Variants in KSR1 observed in about 807,000 individuals in gnomAD.
The protein encoded by KSR1 is kinase suppressor of ras.
Under a neutral mutation model 92.9 loss-of-function variants are expected in KSR1, and 35 were observed. The observed-to-expected ratio is 0.38, with a 90% CI of 0.29 to 0.50. The LOEUF (loss-of-function observed/expected upper bound fraction) is 0.50, where lower values mean the gene tolerates loss of function less well. Ranked by LOEUF, KSR1 falls within the 20% of genes least tolerant of loss-of-function variation. The probability of loss-of-function intolerance (pLI) is 0.94; values close to 1 mark genes in which losing one functional copy is unlikely to be tolerated. For missense variants in KSR1, 972 were observed against 1,158.5 expected, an observed-to-expected ratio of 0.84 and a Z score of 2.34; for synonymous variants, 467 against 472.6, an observed-to-expected ratio of 0.99 and a Z score of 0.15.
At chr17:27,476,696 G>A (rs2068358086) in intron 1 of KSR1, among the ~76,000 whole-genome samples, 1 of 152,204 alleles carries the variant, frequency 6.6e-6, no homozygotes, top group Admixed American at 6.5e-5. Flanking sequence ...AAGCCCTCTG[G>A]CTGTTTGGAT....
At chr17:27,589,868 C>A (rs1041150480) in intron 6 of KSR1, among the ~76,000 whole-genome samples, 2 of 152,206 alleles carry the variant, frequency 1.3e-5, no homozygotes, top group African/African-American at 4.8e-5. Context: ...AACTCCTCAA[C>A]CCCCTCTTTA....
chr17:27,592,562 A>G lies in KSR1; in HGVS notation c.1235A>G (p.Asn412Ser), dbSNP rs766124938. Residue 412 changes from asparagine (N) to serine (S), a missense_variant, in exon 9 of 21, where the codon AAC (asparagine) becomes AGC (serine). By Grantham distance (46) the Asn-to-Ser change is conservative (BLOSUM62 1). This residue lies in a region of KSR1 where 611 missense variants were observed against 668.0 expected (regional missense o/e 0.91). Coordinates refer to ENST00000644974, the MANE Select transcript of KSR1 (RefSeq NM_001394583.1). ...ACAGAATCTGTCCCCTCGGACATCAACAACCCGGTGGACAGAGCAGCCGAA... is the reference window on the plus strand; with the variant it reads ...ACAGAATCTGTCCCCTCGGACATCAGCAACCCGGTGGACAGAGCAGCCGAA... ...RRTESVPSDINNPVDRAAEPH... is the reference protein window; with the variant it reads ...RRTESVPSDISNPVDRAAEPH... 6.2e-6 allele frequency: 10 copies of G among 1,614,010 alleles called. No individual in the cohort carries two copies. Among genetic ancestry groups the G allele is most frequent in the South Asian group, 1.1e-5 (1 of 91,076 alleles).
intron 1 of KSR1, among the ~76,000 whole-genome samples, chr17:27,500,517 C>T (rs2069140598): frequency 6.6e-6 from 1 of 152,194 alleles, no homozygotes; most frequent in Non-Finnish European, 1.5e-5. Flanking sequence ...TAGCCATGCA[C>T]CTGGACCAAC....
intron 2 of KSR1, among the ~76,000 whole-genome samples, chr17:27,571,202 T>G (rs1002207523): frequency 9.9e-5 from 15 of 152,152 alleles, no homozygotes; most frequent in African/African-American, 3.6e-4. Context: ...GGCCCGGAAC[T>G]GGCCACAAGC....
rs2074332262 is a variant in KSR1 at position 27,626,006 on chromosome 17, C to G, written c.*2614C>G. ...AGTTGATCTCTCCATGTCACCAAAT[C>G]AAAACACCCTCTGTCATCCTACGGC... On this transcript the variant is annotated 3_prime_UTR_variant, in exon 21 of 21. Coordinates refer to ENST00000644974, the MANE Select transcript of KSR1 (RefSeq NM_001394583.1). The G allele has an allele frequency of 6.6e-6, 1 of 152,246 alleles. No individual in the cohort carries two copies. Among genetic ancestry groups the G allele is most frequent in the Non-Finnish European group, 1.5e-5 (1 of 68,056 alleles). The allele number at this position is 152,246 out of a possible 1,614,324, so 9.4% of individuals were successfully genotyped here. A position where few individuals can be genotyped will look rare whatever the true frequency, so the allele number is the denominator to read the frequency against.
At chr17:27,473,455 G>A (rs906448628) in intron 1 of KSR1, among the ~76,000 whole-genome samples, 2 of 152,224 alleles carry the variant, frequency 1.3e-5, no homozygotes, top group Admixed American at 1.3e-4. Context: ...TCGCAGAAAG[G>A]AGGCTGCAAA....
At chr17:27,611,979 C>T (rs915383173) in intron 18 of KSR1, among the ~76,000 whole-genome samples, 2 of 151,994 alleles carry the variant, frequency 1.3e-5, no homozygotes, top group Non-Finnish European at 2.9e-5. Flanking sequence ...AAAATCACTG[C>T]TGAAAATACA....
chr17:27,602,759 G>A (rs1473043617), intron 11 of KSR1, among the ~76,000 whole-genome samples: 1 of 152,182 alleles, frequency 6.6e-6, no homozygotes, highest in East Asian at 1.9e-4. Flanking sequence ...GGCCTTACCG[G>A]TAGAGGCTTC....
chr17:27,549,754 A>G, intron 1 of KSR1, among the ~76,000 whole-genome samples: 1 of 152,168 alleles, frequency 6.6e-6, no homozygotes, highest in East Asian at 1.9e-4. Context: ...GGTGCTCACC[A>G]TGTGCCAAAT....
Position 27,609,303 on chromosome 17 carries a change from GA to G in KSR1, c.2200del (p.Ile734SerfsTer14). The G allele has an allele frequency of 6.2e-7, 1 of 1,614,020 alleles. No individual in the cohort carries two copies. Among genetic ancestry groups the G allele is most frequent in the East Asian group, 2.2e-5 (1 of 44,882 alleles). ...VVITDFGLFG[I>X]SGVVREGRRE... is the part of the protein sequence containing the mutation. Reference sequence around the variant, plus strand: ...TCATCACAGACTTCGGGCTGTTTGGGATCTCAGGCGTGGTCCGAGAGGGACG... The same window carrying G: ...TCATCACAGACTTCGGGCTGTTTGGGTCTCAGGCGTGGTCCGAGAGGGACG... On this transcript the variant is annotated frameshift_variant, in exon 16 of 21. Transcript: ENST00000644974. LOFTEE classifies it high-confidence loss of function.
chr17:27,599,719 A>G (rs2073478706), intron 10 of KSR1, among the ~76,000 whole-genome samples: 1 of 152,210 alleles, frequency 6.6e-6, no homozygotes, highest in African/African-American at 2.4e-5. Context: ...CTTAGCTTAC[A>G]ACTTTTTTAC....
intron 20 of KSR1, chr17:27,622,469 C>CA (rs2074251735): frequency 6.4e-6 from 1 of 155,894 alleles, no homozygotes; most frequent in African/African-American, 2.4e-5. Flanking sequence ...ACCCTGGTCA[C>CA]AGGAACCCTC....
intron 4 of KSR1, among the ~76,000 whole-genome samples, chr17:27,583,755 T>C (rs1290377163): frequency 6.6e-6 from 1 of 152,260 alleles, no homozygotes; most frequent in East Asian, 1.9e-4. Flanking sequence ...TCAGTACATC[T>C]TGGAATGTTT....
chr17:27,497,061 G>C (rs905464153), intron 1 of KSR1, among the ~76,000 whole-genome samples: 1 of 152,216 alleles, frequency 6.6e-6, no homozygotes, highest in African/African-American at 2.4e-5. Context: ...CTCCTTCCCT[G>C]TTGGGCAGGA....
In KSR1 at chr17:27,550,910, C is replaced by G. The variant is rs533823141; in HGVS notation, c.372+202C>G. Among the ~76,000 whole-genome samples, 4 of 152,328 alleles carry G rather than the reference C, an allele frequency of 2.6e-5. No homozygotes were observed. The East Asian group carries it at 7.7e-4, about 29-fold the overall frequency. ...CCAACAAGTGCCCTGGATGCTATTG[C>G]CTGATGAACTAGGGCAGCCCCACGC... On this transcript the variant is annotated intron_variant, in intron 2 of 20. Transcript: ENST00000644974.
At chr17:27,461,677 G>T (rs563292789) in intron 1 of KSR1, among the ~76,000 whole-genome samples, 11 of 152,212 alleles carry the variant, frequency 7.2e-5, no homozygotes, top group African/African-American at 2.7e-4. Flanking sequence ...AGGGAGACCC[G>T]CAGTGGCTGT....
intron 3 of KSR1, chr17:27,579,229 A>G (rs1475873967): frequency 6.6e-6 from 1 of 152,244 alleles, no homozygotes; most frequent in African/African-American, 2.4e-5. Flanking sequence ...TAGATTGTGC[A>G]TCACAGCATC....
intron 1 of KSR1, among the ~76,000 whole-genome samples, chr17:27,528,936 C>G (rs913548345): frequency 4.6e-5 from 7 of 151,976 alleles, no homozygotes; most frequent in African/African-American, 1.7e-4. Context: ...AATCCCAAAA[C>G]AAAACTTACA....
At chr17:27,584,183 A>C (rs1246137847) in intron 4 of KSR1, among the ~76,000 whole-genome samples, 2 of 152,032 alleles carry the variant, frequency 1.3e-5, no homozygotes, top group Non-Finnish European at 2.9e-5. Context: ...TCTCCTCGGC[A>C]TGGGCACCCC....
Sources: gnomAD v4.1 joint callset for allele counts (sites outside exome capture counted in the v4.1 genomes callset) on GRCh38, gnomAD v4.1.1 for gene constraint, gnomAD v4.1.1 regional missense constraint, MANE v1.5 for transcripts, NCBI Gene and HGNC (gene_info 2026-07-23, HGNC 2026-07-21) for gene names.